The following CEP76 variants were observed in gnomAD, a reference collection of about 807,000 sequenced individuals.
CEP76 encodes the protein centrosomal protein 76, also known as centrosomal protein of 76 kDa.
In CEP76, 55 loss-of-function variants were observed where a neutral mutation model predicts 83.3. The ratio of observed to expected loss-of-function variants is 0.66; its 90% CI spans 0.53 to 0.83. CEP76 has a LOEUF of 0.83. CEP76 is among the 40% of genes least tolerant of loss of function. The probability of loss-of-function intolerance (pLI) is 0.00; values close to 1 mark genes in which losing one functional copy is unlikely to be tolerated. For missense variants in CEP76, 694 were observed against 799.5 expected (o/e 0.87, Z 1.59); for synonymous variants, 270 against 274.5 (o/e 0.98, Z 0.16).
downstream of CEP76, among the ~76,000 whole-genome samples, chr18:12,669,540 A>C (rs1200160001): frequency 6.6e-6 from 1 of 152,168 alleles, no homozygotes; most frequent in African/African-American, 2.4e-5. Context: ...TTTTCTATTA[A>C]CTAAATAGAC....
upstream of CEP76, chr18:12,702,756 C>T (rs574117627): frequency 5.0e-6 from 3 of 594,500 alleles, no homozygotes; most frequent in Non-Finnish European, 8.6e-6. Flanking sequence ...CAACTGTTTT[C>T]AAACAGTGGC....
chr18:12,687,354 C>T (rs1318457183), intron 7 of CEP76, among the ~76,000 whole-genome samples: 1 of 151,982 alleles, frequency 6.6e-6, no homozygotes, highest in Non-Finnish European at 1.5e-5. Context: ...CACTTATTTA[C>T]ATTTGATTAT....
In CEP76 at chr18:12,694,876, AT is replaced by A. The variant is rs1216124284; in HGVS notation, c.804+377del. ...CAGGTGCCTGCCACCACGCCCGGCT[AT>A]TTTTTTTTTTTGTATTTTTAGTAGA... On this transcript the variant is annotated intron_variant, in intron 6 of 11. Transcript: ENST00000262127. Among the ~76,000 whole-genome samples, 633 of 141,270 alleles carry A rather than the reference AT, an allele frequency of 4.5e-3. 2 individuals carry two copies. The highest frequency in any genetic ancestry group is 7.0e-3 in the Non-Finnish European group (450 of 64,436). 92.7% of individuals were successfully genotyped at this position (141,270 alleles called of 152,430 possible).
chr18:12,663,339 C>T (rs1371498192), intron 12 of CEP76: 1 of 152,218 alleles, frequency 6.6e-6, no homozygotes, highest in African/African-American at 2.4e-5. Context: ...GTGGCATGAT[C>T]TCAGCTCACT....
In CEP76 at chr18:12,688,633, G is replaced by A. The variant is rs549892838; in HGVS notation, c.934-2183C>T. 5.3e-5 allele frequency among the ~76,000 whole-genome samples: 8 copies of A among 152,248 alleles called. No homozygotes were observed. In the South Asian group the frequency reaches 1.7e-3, roughly 32 times the overall value. On this transcript the variant is annotated intron_variant, in intron 7 of 11. Coordinates refer to ENST00000262127, the MANE Select transcript of CEP76 (RefSeq NM_024899.4). ...ACAAGCTACTTAACTGTTTTGAAAAGTTAATATTTCAACCTCTGAATGGGC... is the reference window on the plus strand; with the variant it reads ...ACAAGCTACTTAACTGTTTTGAAAAATTAATATTTCAACCTCTGAATGGGC...
downstream of CEP76, among the ~76,000 whole-genome samples, chr18:12,672,396 A>T (rs931894818): frequency 6.6e-6 from 1 of 152,202 alleles, no homozygotes; most frequent in Non-Finnish European, 1.5e-5. Context: ...GATTACAGGC[A>T]TAAACCACTA....
chr18:12,697,660 A>G (rs916557659), intron 4 of CEP76, among the ~76,000 whole-genome samples: 1 of 152,226 alleles, frequency 6.6e-6, no homozygotes, highest in Non-Finnish European at 1.5e-5. Context: ...TTTCTGATTC[A>G]TAAGATAAGT....
chr18:12,666,646 C>T (rs8083182), intron 12 of CEP76, among the ~76,000 whole-genome samples: 42,157 of 151,160 alleles, frequency 0.28, 5,987 homozygotes, highest in Non-Finnish European at 0.32. Context: ...GACAGGGTTT[C>T]GCCACATTGC....
intron 1 of CEP76, among the ~76,000 whole-genome samples, chr18:12,701,340 C>A (rs577726210): frequency 1.3e-5 from 2 of 152,104 alleles, no homozygotes; most frequent in Non-Finnish European, 2.9e-5. Context: ...CAACACTCAA[C>A]CAAAAGGAAT....
chr18:12,672,964 T>C lies in CEP76; in HGVS notation c.*401A>G, dbSNP rs2144974175. The C allele has an allele frequency of 1.0e-6, 1 of 985,674 alleles. No individual in the cohort carries two copies. Among genetic ancestry groups the C allele is most frequent in the Middle Eastern group, 5.2e-4 (1 of 1,922 alleles). The allele number at this position is 985,674 out of a possible 1,614,324, so 61.1% of individuals were successfully genotyped here. A position where few individuals can be genotyped will look rare whatever the true frequency, so the allele number is the denominator to read the frequency against. On this transcript the variant is annotated 3_prime_UTR_variant, in exon 12 of 12. Coordinates refer to ENST00000262127, the MANE Select transcript of CEP76 (RefSeq NM_024899.4). ...ATTTCTCCTAATCTGTATAAAATAA[T>C]TCCATTAACCTGTGAAAAGTAATGA...
At chr18:12,671,637 ACTTTC>A (rs2038946008), downstream of CEP76, among the ~76,000 whole-genome samples, 1 of 121,910 alleles carries the variant, frequency 8.2e-6, no homozygotes, top group Non-Finnish European at 1.7e-5. Context: ...CAGGTTTCAC[ACTTTC>A]TTTTTTTTTT....
At chr18:12,695,953 T>G (rs903317686) in intron 5 of CEP76, among the ~76,000 whole-genome samples, 3 of 151,968 alleles carry the variant, frequency 2.0e-5, no homozygotes, top group Non-Finnish European at 4.4e-5. Context: ...ATTATCCAAT[T>G]ACAGGCTGAG....
At chr18:12,683,824 A>G (rs2039439612) in intron 8 of CEP76, among the ~76,000 whole-genome samples, 1 of 152,080 alleles carries the variant, frequency 6.6e-6, no homozygotes, top group Non-Finnish European at 1.5e-5. Context: ...ATGCTTAATT[A>G]TAAAGCAAGA....
intron 6 of CEP76, among the ~76,000 whole-genome samples, chr18:12,693,501 A>G (rs1026299963): frequency 5.9e-5 from 9 of 152,214 alleles, no homozygotes; most frequent in Non-Finnish European, 1.0e-4. Flanking sequence ...TATGTCACAT[A>G]AATATATGAA....
At chr18:12,666,809 T>C (rs372968367) in intron 12 of CEP76, among the ~76,000 whole-genome samples, 5 of 152,168 alleles carry the variant, frequency 3.3e-5, no homozygotes, top group Admixed American at 6.6e-5. Context: ...CTCTACTTTA[T>C]CACAAACAAG....
At chr18:12,676,433 C>G (rs1248431569) in intron 10 of CEP76, among the ~76,000 whole-genome samples, 1 of 150,998 alleles carries the variant, frequency 6.6e-6, no homozygotes, top group Non-Finnish European at 1.5e-5. Flanking sequence ...CACCACCACA[C>G]CCGGCTAATT....
At chr18:12,699,544 G>A (rs575357057) in intron 3 of CEP76, among the ~76,000 whole-genome samples, 1 of 152,232 alleles carries the variant, frequency 6.6e-6, no homozygotes, top group East Asian at 1.9e-4. Context: ...AATTCAGCAA[G>A]TGTATTTGTC....
In CEP76 at chr18:12,678,283, G is replaced by A. The variant is rs139815657; in HGVS notation, c.1449C>T (p.Asn483=). 188 of 1,614,076 alleles carry A rather than the reference G, an allele frequency of 1.2e-4. No homozygotes were observed. The African/African-American group carries it at 1.9e-3, about 16-fold the overall frequency. Residue 483 remains asparagine, a synonymous_variant, in exon 10 of 12, where the codon AAC becomes AAT. Transcript: ENST00000262127. The part of the protein sequence containing the change: ...DAVETCVFDL[N]DESKWKPMSE... ...TCATGGGTTTCCATTTGGATTCATC[G>A]TTCAAATCAAATACACAGGTTTCTA...
At position 12,702,552 on chromosome 18, in the gene CEP76, G is replaced by A. The variant is rs924288680; in HGVS notation, c.-4C>T. 2.3e-5 allele frequency: 37 copies of A among 1,583,710 alleles called. No individual in the cohort carries two copies. The highest frequency in any genetic ancestry group is 3.2e-5 in the Non-Finnish European group (37 of 1,166,900). ...CTTTCTCCGGAGGCAGCGACATGCT[G>A]GCAGCCGGCGTCTCCCCGCCGCTTC... is the stretch of plus-strand genomic sequence containing the variant. On this transcript the variant is annotated 5_prime_UTR_variant, in exon 1 of 12. Coordinates refer to ENST00000262127, the MANE Select transcript of CEP76 (RefSeq NM_024899.4).
Sources: gnomAD v4.1 joint callset for allele counts (sites outside exome capture counted in the v4.1 genomes callset) on GRCh38, gnomAD v4.1.1 for gene constraint, MANE v1.5 for transcripts, NCBI Gene and HGNC (gene_info 2026-07-23, HGNC 2026-07-21) for gene names.